Variants in SLC25A31 observed in about 807,000 individuals in gnomAD.
SLC25A31 encodes the protein solute carrier family 25 member 31.
Under a neutral mutation model 36.2 loss-of-function variants are expected in SLC25A31, and 40 were observed. The observed-to-expected ratio is 1.10, with a 90% CI of 0.86 to 1.44. The LOEUF (loss-of-function observed/expected upper bound fraction) is 1.44, where lower values mean the gene tolerates loss of function less well. SLC25A31 is among the 40% of genes most tolerant of loss of function. The probability of loss-of-function intolerance (pLI) is 0.00; values close to 1 mark genes in which losing one functional copy is unlikely to be tolerated. For synonymous variants in SLC25A31, 143 were observed against 149.7 expected (o/e 0.96, Z 0.32); for missense variants, 350 against 397.1 (o/e 0.88, Z 1.01).
chr4:127,737,857 C>G (rs1731661777), intron 1 of SLC25A31, among the ~76,000 whole-genome samples: 1 of 152,062 alleles, frequency 6.6e-6, no homozygotes, highest in Non-Finnish European at 1.5e-5. Context: ...CCATGCCTGG[C>G]TTGTGCTATT....
At chr4:127,768,682 A>G in intron 4 of SLC25A31, 70 bp from the exon 5 acceptor site, 3 of 1,313,638 alleles carry the variant, frequency 2.3e-6, no homozygotes, top group Non-Finnish European at 3.0e-6. Context: ...TATAAAAATT[A>G]TCCTTTAACT....
intron 3 of SLC25A31, among the ~76,000 whole-genome samples, chr4:127,766,313 G>A (rs986655437): frequency 2.6e-4 from 40 of 151,100 alleles, no homozygotes; most frequent in Admixed American, 2.0e-3. Flanking sequence ...GATTACAGGC[G>A]ACCACCACGA....
chr4:127,758,743 TTTA>T (rs1732076640), intron 2 of SLC25A31, among the ~76,000 whole-genome samples: 1 of 152,168 alleles, frequency 6.6e-6, no homozygotes, highest in Non-Finnish European at 1.5e-5. Context: ...TTTCTTATTG[TTTA>T]TTATTGTCAA....
chr4:127,737,733 GT>G (rs1025209566), intron 1 of SLC25A31, among the ~76,000 whole-genome samples: 1 of 151,448 alleles, frequency 6.6e-6, no homozygotes, highest in East Asian at 1.9e-4. Context: ...TTTGGGGTTT[GT>G]TTTTTTTAGA....
chr4:127,773,279 G>A, intron 5 of SLC25A31, 107 bp from the exon 6 acceptor site: 1 of 995,496 alleles, frequency 1.0e-6, no homozygotes, highest in Non-Finnish European at 1.4e-6. Flanking sequence ...TTAACACAGT[G>A]CTACTCAACA....
At chr4:127,741,912 T>C (rs964582242) in intron 1 of SLC25A31, among the ~76,000 whole-genome samples, 2 of 152,194 alleles carry the variant, frequency 1.3e-5, no homozygotes, top group Admixed American at 6.5e-5. Flanking sequence ...AATTTCTTGG[T>C]ATATAATTGT....
At chr4:127,743,222 C>T (rs1052732826) in intron 1 of SLC25A31, among the ~76,000 whole-genome samples, 2 of 151,576 alleles carry the variant, frequency 1.3e-5, no homozygotes, top group Admixed American at 6.6e-5. Context: ...CCTCTACGTC[C>T]TCAGCTCAAG....
At chr4:127,757,008 T>C (rs1732043756) in intron 2 of SLC25A31, among the ~76,000 whole-genome samples, 1 of 152,200 alleles carries the variant, frequency 6.6e-6, no homozygotes, top group Non-Finnish European at 1.5e-5. Flanking sequence ...CAAAAACCAG[T>C]GTACACAATG....
chr4:127,760,077 G>A (rs144507163), intron 2 of SLC25A31, among the ~76,000 whole-genome samples: 7 of 152,246 alleles, frequency 4.6e-5, no homozygotes, highest in African/African-American at 7.2e-5. Context: ...ACAAAACTGC[G>A]TGTCACTGAA....
Position 127,768,733 on chromosome 4 carries a change from G to T in SLC25A31, c.634-19G>T. 1 of 1,559,998 alleles carries T rather than the reference G, an allele frequency of 6.4e-7. No homozygotes were observed. The highest frequency in any genetic ancestry group is 8.6e-7 in the Non-Finnish European group (1 of 1,158,568). ...TTTTAGAAATTTGGATAGTTACTTG[G>T]CACATTTTTCTTTTCTAGGGTTTAT... On this transcript the variant is annotated intron_variant, in intron 4 of 5. Coordinates refer to ENST00000281154, the MANE Select transcript of SLC25A31 (RefSeq NM_031291.4).
intron 1 of SLC25A31, 67 bp downstream of exon 1, chr4:127,730,844 T>C (rs1578651651): frequency 8.2e-6 from 12 of 1,458,214 alleles, no homozygotes; most frequent in African/African-American, 1.4e-5. Context: ...GAGAAGAGGG[T>C]GGCTGGGAGG....
chr4:127,771,925 G>A (rs1732371510), intron 5 of SLC25A31, among the ~76,000 whole-genome samples: 1 of 152,200 alleles, frequency 6.6e-6, no homozygotes, highest in African/African-American at 2.4e-5. Flanking sequence ...TTGTATGCCT[G>A]GGATAAACCC....
chr4:127,735,806 G>T (rs1438359499), intron 1 of SLC25A31, among the ~76,000 whole-genome samples: 1 of 49,904 alleles, frequency 2.0e-5, no homozygotes, highest in Non-Finnish European at 4.8e-5. Context: ...AACCTCCCCT[G>T]CAAAAAAAAA....
chr4:127,744,571 G>A lies in SLC25A31; in HGVS notation c.233-101G>A, dbSNP rs1368127317. On this transcript the variant is annotated intron_variant, in intron 1 of 5. Transcript: ENST00000281154. ...AAAACTTTATTTTTCTCATAAGAAA[G>A]AGTATGTTTTAGATAGTTCATATAG... The A allele has an allele frequency of 1.2e-5, 12 of 989,206 alleles. No individual in the cohort carries two copies. In the South Asian group the frequency reaches 3.6e-4, roughly 29 times the overall value. 61.3% of individuals were successfully genotyped at this position (989,206 alleles called of 1,614,324 possible).
At chr4:127,742,345 G>C (rs1731746728) in intron 1 of SLC25A31, among the ~76,000 whole-genome samples, 1 of 152,152 alleles carries the variant, frequency 6.6e-6, no homozygotes, top group African/African-American at 2.4e-5. Flanking sequence ...AAACTTACCA[G>C]ATCACCACAT....
At chr4:127,746,253 T>C (rs1429478553) in intron 2 of SLC25A31, among the ~76,000 whole-genome samples, 3 of 152,214 alleles carry the variant, frequency 2.0e-5, no homozygotes, top group Non-Finnish European at 2.9e-5. Context: ...TTGTGAGTAG[T>C]GCTACAATGA....
At position 127,767,048 on chromosome 4, in the gene SLC25A31, T is replaced by TA. The variant is rs1732257470; in HGVS notation, c.479-15dup. The TA allele has an allele frequency of 2.5e-6, 4 of 1,600,496 alleles. No homozygotes were observed. Among genetic ancestry groups the TA allele is most frequent in the Non-Finnish European group, 3.4e-6 (4 of 1,174,530 alleles). The stretch of plus-strand genomic sequence containing the variant: ...GATATATAATGTTGCTAATAGATTT[T>TA]AAATGGCTTTATTTTAGGTCCTGAG... On this transcript the variant is annotated splice_polypyrimidine_tract_variant and intron_variant, in intron 3 of 5. Transcript: ENST00000281154.
At chr4:127,741,820 G>A (rs950870525) in intron 1 of SLC25A31, among the ~76,000 whole-genome samples, 54 of 151,974 alleles carry the variant, frequency 3.6e-4, no homozygotes, top group African/African-American at 1.2e-3. Context: ...AATCATTGTT[G>A]GTCTGTTCAG....
Position 127,730,525 on chromosome 4 carries a change from G to A in SLC25A31, c.-21G>A. 6.2e-7 allele frequency: 1 copy of A among 1,605,770 alleles called. No individual in the cohort carries two copies. Among genetic ancestry groups the A allele is most frequent in the South Asian group, 1.1e-5 (1 of 90,934 alleles). ...TACTCATTTTTAGCCACTGCTGCCG[G>A]TTTTTATATCCTTCTCCATCATGCA... is the stretch of plus-strand genomic sequence containing the variant. On this transcript the variant is annotated 5_prime_UTR_variant, in exon 1 of 6. Transcript: ENST00000281154.
Sources: allele counts gnomAD v4.1 joint callset (sites outside exome capture counted in the v4.1 genomes callset), GRCh38; gene constraint gnomAD v4.1.1; transcripts MANE v1.5; gene names NCBI Gene and HGNC (gene_info 2026-07-23, HGNC 2026-07-21).